Variants in MYO18B observed in about 807,000 individuals in gnomAD.
MYO18B encodes the protein myosin XVIIIB, also known as unconventional myosin-XVIIIb.
Under a neutral mutation model 273.0 loss-of-function variants are expected in MYO18B, and 204 were observed. That is an observed-to-expected ratio of 0.75 (90% CI 0.67 to 0.84). The LOEUF is 0.84. MYO18B is among the 40% of genes least tolerant of loss of function. MYO18B has a pLI of 0.00. For missense variants in MYO18B, 3,212 were observed against 3,287.6 expected (o/e 0.98, Z 0.56); for synonymous variants, 1,330 against 1,305.7 (o/e 1.02, Z -0.40).
intron 19 of MYO18B, among the ~76,000 whole-genome samples, chr22:25,846,814 G>A (rs915820981): frequency 6.6e-6 from 1 of 152,222 alleles, no homozygotes; most frequent in Non-Finnish European, 1.5e-5. Context: ...GGGCGCAGAG[G>A]CTCACGCCTG....
chr22:25,815,846 T>TC (rs1438017007), intron 12 of MYO18B, among the ~76,000 whole-genome samples: 1 of 152,160 alleles, frequency 6.6e-6, no homozygotes, highest in East Asian at 1.9e-4. Flanking sequence ...AGCCTTCTTT[T>TC]CCCCCAAACA....
rs1191232062 is a variant in MYO18B, at chr22:25,768,976, C to T, written c.1060C>T (p.Gln354Ter). ...AGAGAAGACAGGTGAGCCTCAGACC[C>T]AGATGGAGAAGACAAGCCAAGTGCA... Reference protein sequence around the residue: ...KAEKTGEPQTQMEKTSQVQGE... With the variant: ...KAEKTGEPQT Residue 354 changes from glutamine to a stop codon, truncating the protein, a stop_gained, in exon 4 of 44, where the codon CAG becomes TAG. Transcript: ENST00000335473. LOFTEE classifies it high-confidence loss of function. 6.2e-7 allele frequency: 1 copy of T among 1,611,366 alleles called. No individual in the cohort carries two copies. Among genetic ancestry groups the T allele is most frequent in the Admixed American group, 1.7e-5 (1 of 59,586 alleles).
chr22:25,898,386 G>T lies in MYO18B; in HGVS notation c.4748G>T (p.Cys1583Phe), dbSNP rs1355132991. The change falls in exon 29 of 44, where the codon TGT (cysteine) becomes TTT (phenylalanine). Residue 1583 changes from cysteine to phenylalanine, a missense_variant. Transcript: ENST00000335473. ...QLKRKCHHLT[C>F]DLEDTCVLLE... is the part of the protein sequence containing the mutation. The stretch of plus-strand genomic sequence containing the variant: ...AAGAGGAAGTGCCACCATCTTACCT[G>T]TGACCTTGAGGATACCTGCGTCCTG... The T allele has an allele frequency of 1.9e-6, 3 of 1,613,966 alleles. No individual in the cohort carries two copies. Among genetic ancestry groups the T allele is most frequent in the Admixed American group, 1.7e-5 (1 of 60,020 alleles).
chr22:25,984,237 G>A (rs1355027068), intron 39 of MYO18B, among the ~76,000 whole-genome samples: 1 of 152,116 alleles, frequency 6.6e-6, no homozygotes, highest in African/African-American at 2.4e-5. Context: ...TAACTCTTTG[G>A]GATTTGCGTA....
chr22:25,769,281 G>T lies in MYO18B; in HGVS notation c.1365G>T (p.Gly455=). The T allele has an allele frequency of 3.8e-6, 6 of 1,586,128 alleles. No homozygotes were observed. The highest frequency in any genetic ancestry group is 5.1e-6 in the Non-Finnish European group (6 of 1,166,656). Residue 455 remains glycine (G), a synonymous_variant, in exon 4 of 44, where the codon GGG becomes GGT. Transcript: ENST00000335473. ...AGCCCTGCTCAAGAGCAGGTGATGG[G>T]GCTGGTGCCCTGGAGACAGAGCTGG... ...AEEPCSRAGD[G]AGALETELEG...
chr22:25,851,426 A>T, intron 20 of MYO18B, 44 bp from the exon 21 acceptor site: 2 of 1,375,804 alleles, frequency 1.5e-6, no homozygotes, highest in Non-Finnish European at 2.0e-6. Flanking sequence ...GGGTCTTCTC[A>T]TCTGGACTCT....
intron 34 of MYO18B, among the ~76,000 whole-genome samples, chr22:25,938,121 G>A (rs879400410): frequency 3.3e-5 from 5 of 152,226 alleles, no homozygotes; most frequent in Admixed American, 2.0e-4. Flanking sequence ...AATCCCCTCA[G>A]TTGTTCAACC....
chr22:25,769,385 C>T lies in MYO18B; in HGVS notation c.1469C>T (p.Pro490Leu), dbSNP rs758384659. Reference sequence around the variant, plus strand: ...AAGGAGAACCAAGACGGGCCAGCCCCGCAGGAGGAGGGCAAAGGAGGCCAG... The same window carrying T: ...AAGGAGAACCAAGACGGGCCAGCCCTGCAGGAGGAGGGCAAAGGAGGCCAG... ...IRKENQDGPA[P>L]QEEGKGGQSR... Residue 490 changes from proline to leucine, a missense_variant, in exon 4 of 44, where the codon CCG (proline) becomes CTG (leucine). Coordinates refer to ENST00000335473, the MANE Select transcript of MYO18B (RefSeq NM_032608.7). The T allele has an allele frequency of 4.6e-5, 73 of 1,570,560 alleles. No homozygotes were observed. The highest frequency in any genetic ancestry group is 1.7e-4 in the Middle Eastern group (1 of 5,864).
intron 39 of MYO18B, among the ~76,000 whole-genome samples, chr22:25,982,888 A>G (rs970985611): frequency 1.3e-5 from 2 of 152,188 alleles, no homozygotes; most frequent in African/African-American, 2.4e-5. Context: ...CACGCTGCCA[A>G]ATACCTTGAG....
At chr22:25,923,850 C>T (rs776145079) in intron 34 of MYO18B, among the ~76,000 whole-genome samples, 1 of 152,122 alleles carries the variant, frequency 6.6e-6, no homozygotes, top group Non-Finnish European at 1.5e-5. Flanking sequence ...AAAGAAACCA[C>T]ACAGAGATTT....
intron 40 of MYO18B, among the ~76,000 whole-genome samples, chr22:26,000,861 C>G (rs1209559836): frequency 1.3e-5 from 2 of 152,120 alleles, no homozygotes; most frequent in Non-Finnish European, 2.9e-5. Flanking sequence ...TGACTTCAGC[C>G]TTAGATATTC....
At chr22:26,047,557 C>G in the MYO18B span, among the ~76,000 whole-genome samples, 1 of 152,150 alleles carries the variant, frequency 6.6e-6, no homozygotes, top group African/African-American at 2.4e-5. Context: ...ATGATCTATC[C>G]TTGTGTTGTC....
At chr22:25,885,529 A>G (rs959240710) in intron 25 of MYO18B, among the ~76,000 whole-genome samples, 17 of 152,020 alleles carry the variant, frequency 1.1e-4, no homozygotes, top group African/African-American at 3.9e-4. Context: ...GGCAGGTGCA[A>G]TTCTGGTGGT....
At chr22:25,980,240 A>G (rs1489871281) in intron 39 of MYO18B, among the ~76,000 whole-genome samples, 1 of 152,236 alleles carries the variant, frequency 6.6e-6, no homozygotes, top group Middle Eastern at 3.2e-3. Flanking sequence ...CGACTTAGGC[A>G]TTCTGCAGGC....
chr22:25,926,314 C>T (rs1461856554), intron 34 of MYO18B, among the ~76,000 whole-genome samples: 1 of 151,624 alleles, frequency 6.6e-6, no homozygotes, highest in Non-Finnish European at 1.5e-5. Flanking sequence ...AAGACAGTGT[C>T]ACTGTGTCAT....
chr22:25,761,992 G>A (rs1295404074), intron 2 of MYO18B, among the ~76,000 whole-genome samples: 1 of 152,114 alleles, frequency 6.6e-6, no homozygotes, highest in Non-Finnish European at 1.5e-5. Context: ...GTGTGGTGGT[G>A]TGTGCCTGTC....
At chr22:26,037,305 C>A in the MYO18B span, among the ~76,000 whole-genome samples, 1 of 152,118 alleles carries the variant, frequency 6.6e-6, no homozygotes, top group Non-Finnish European at 1.5e-5. Flanking sequence ...GGAGAGGAGA[C>A]CCTATCTTTA....
chr22:25,909,615 G>A (rs749891266), intron 32 of MYO18B, among the ~76,000 whole-genome samples: 2 of 152,192 alleles, frequency 1.3e-5, no homozygotes, highest in Non-Finnish European at 2.9e-5. Flanking sequence ...TATGGTGTGT[G>A]CCCTGAGCCA....
intron 39 of MYO18B, among the ~76,000 whole-genome samples, chr22:25,971,220 G>T (rs1232409534): frequency 6.6e-6 from 1 of 152,194 alleles, no homozygotes; most frequent in African/African-American, 2.4e-5. Context: ...ACTGGATTTG[G>T]CCCACGGGCT....
Sources: allele counts gnomAD v4.1 joint callset (sites outside exome capture counted in the v4.1 genomes callset), GRCh38; gene constraint gnomAD v4.1.1; transcripts MANE v1.5; gene names NCBI Gene and HGNC (gene_info 2026-07-23, HGNC 2026-07-21).